The following SH3KBP1 variants were observed in gnomAD, a reference collection of about 807,000 sequenced individuals.
SH3KBP1 encodes the protein SH3 domain containing kinase binding protein 1, also known as SH3 domain-containing kinase-binding protein 1.
Under a neutral mutation model 50.1 loss-of-function variants are expected in SH3KBP1, and 8 were observed. The observed-to-expected ratio is 0.16, with a 90% CI of 0.09 to 0.29. The LOEUF (loss-of-function observed/expected upper bound fraction) is 0.29, where lower values mean the gene tolerates loss of function less well. SH3KBP1 is among the 10% of genes least tolerant of loss of function. The pLI, the probability that SH3KBP1 is intolerant of heterozygous loss-of-function variation, is 1.00. For synonymous variants in SH3KBP1, 227 were observed against 218.6 expected (o/e 1.04, Z -0.34); for missense variants, 377 against 535.2 (o/e 0.70, Z 2.92).
intron 4 of SH3KBP1, among the ~76,000 whole-genome samples, chrX:19,703,696 C>CTCTGTGTG (rs1459116402): frequency 3.1e-4 from 20 of 63,503 alleles, no homozygotes; most frequent in African/African-American, 1.0e-3. Context: ...AAAAGAGAAA[C>CTCTGTGTG]TGTGTGTGTG....
intron 6 of SH3KBP1, chrX:19,648,039 T>A (rs1338015398): frequency 1.1e-5 from 4 of 373,157 alleles, no homozygotes. Context: ...TTATGAAACA[T>A]CTTTTTAACT....
chrX:19,622,817 C>A (rs958953771), intron 8 of SH3KBP1, among the ~76,000 whole-genome samples: 9 of 111,735 alleles, frequency 8.1e-5, no homozygotes, highest in Non-Finnish European at 1.9e-5. Context: ...CCAAGGCAGG[C>A]GGATCACTTG....
At chrX:19,680,380 CAAAAAAAAAAAAA>C (rs763413288) in intron 6 of SH3KBP1, among the ~76,000 whole-genome samples, 6 of 37,784 alleles carry the variant, frequency 1.6e-4, no homozygotes, top group East Asian at 1.0e-3. Context: ...ACTCTTGTTT[CAAAAAAAAAAAAA>C]AAAAAAAAAC....
At chrX:19,659,979 T>C (rs934365301) in intron 6 of SH3KBP1, among the ~76,000 whole-genome samples, 2 of 112,801 alleles carry the variant, frequency 1.8e-5, no homozygotes, top group African/African-American at 6.4e-5. Context: ...ATATTCTTAA[T>C]TTACTTCAGT....
intron 2 of SH3KBP1, among the ~76,000 whole-genome samples, chrX:19,754,050 T>C (rs1477854882): frequency 1.8e-5 from 2 of 112,480 alleles, no homozygotes; most frequent in Admixed American, 1.9e-4. Flanking sequence ...TTTCAAGAAA[T>C]GTAACAGGTC....
chrX:19,561,867 C>A (rs772919334), intron 13 of SH3KBP1, among the ~76,000 whole-genome samples: 2 of 104,702 alleles, frequency 1.9e-5, no homozygotes, highest in Admixed American at 1.0e-4. Flanking sequence ...ACAGTATGAA[C>A]CTCAGGGAGA....
chrX:19,828,461 C>G (rs1274504268), intron 2 of SH3KBP1, among the ~76,000 whole-genome samples: 1 of 111,684 alleles, frequency 9.0e-6, no homozygotes, highest in African/African-American at 3.3e-5. Flanking sequence ...TCACTTGAGC[C>G]CAGGAGTTCA....
At chrX:19,730,825 G>A (rs1355639353) in intron 3 of SH3KBP1, among the ~76,000 whole-genome samples, 1 of 112,299 alleles carries the variant, frequency 8.9e-6, no homozygotes, top group Non-Finnish European at 1.9e-5. Flanking sequence ...GCCCAGAAAT[G>A]AAGGAAAAGC....
At chrX:19,792,028 GA>G (rs904624925) in intron 2 of SH3KBP1, among the ~76,000 whole-genome samples, 49 of 110,734 alleles carry the variant, frequency 4.4e-4, no homozygotes, top group African/African-American at 1.4e-3. Context: ...CTTCTAGAAG[GA>G]AAAAAAATAA....
intron 2 of SH3KBP1, among the ~76,000 whole-genome samples, chrX:19,793,305 GAA>G (rs1276369664): frequency 2.5e-3 from 239 of 94,533 alleles, no homozygotes; most frequent in African/African-American, 5.1e-3. Context: ...TTGTCTCAAG[GAA>G]AAAAAAATAT....
chrX:19,707,941 T>C (rs1189492871), intron 3 of SH3KBP1, among the ~76,000 whole-genome samples: 3 of 112,825 alleles, frequency 2.7e-5, no homozygotes, highest in African/African-American at 9.7e-5. Flanking sequence ...CAGAAGTTTG[T>C]CGTTCATGGC....
Position 19,586,053 on chromosome X carries a change from G to A in SH3KBP1, c.1298+2590C>T, listed in dbSNP as rs192231977. On this transcript the variant is annotated intron_variant, in intron 12 of 17. Transcript: ENST00000397821. The stretch of plus-strand genomic sequence containing the variant: ...CAATTACATCTTCCACTGGCTTCAC[G>A]AACCTCTCTCATGCATCTCCCTTCA... Among the ~76,000 whole-genome samples, 308 of 111,973 alleles carry A rather than the reference G, an allele frequency of 2.8e-3. 1 individual carries two copies. The highest frequency in any genetic ancestry group is 9.2e-3 in the African/African-American group (283 of 30,845).
At chrX:19,690,469 T>A (rs1262742166) in intron 5 of SH3KBP1, among the ~76,000 whole-genome samples, 2 of 111,936 alleles carry the variant, frequency 1.8e-5, no homozygotes, top group African/African-American at 6.5e-5. Context: ...AAACTCATGG[T>A]TATTAATGGT....
In SH3KBP1 at chrX:19,714,447, T is replaced by C. The variant is rs184816364; in HGVS notation, c.287-7463A>G. 1.9e-4 allele frequency among the ~76,000 whole-genome samples: 21 copies of C among 111,325 alleles called. No individual in the cohort carries two copies. In the East Asian group the frequency reaches 4.2e-3, roughly 22 times the overall value. Reference sequence around the variant, plus strand: ...CACACTGCATTCCCGTATCAAAATATCTCATGTATCCCATAAATATATACA... The same window carrying C: ...CACACTGCATTCCCGTATCAAAATACCTCATGTATCCCATAAATATATACA... On this transcript the variant is annotated intron_variant, in intron 3 of 17. Coordinates refer to ENST00000397821, the MANE Select transcript of SH3KBP1 (RefSeq NM_031892.3).
At chrX:19,610,703 G>A (rs2067385826) in intron 8 of SH3KBP1, among the ~76,000 whole-genome samples, 1 of 111,218 alleles carries the variant, frequency 9.0e-6, no homozygotes, top group Non-Finnish European at 1.9e-5. Flanking sequence ...GGTCCTTTGG[G>A]TAACAGGGAT....
At chrX:19,863,025 G>C (rs2068816254) in intron 1 of SH3KBP1, among the ~76,000 whole-genome samples, 1 of 111,988 alleles carries the variant, frequency 8.9e-6, no homozygotes, top group African/African-American at 3.2e-5. Context: ...AAGAGGCCCA[G>C]GACTGTCAGG....
At chrX:19,658,358 A>G (rs1343223677) in intron 6 of SH3KBP1, among the ~76,000 whole-genome samples, 3 of 111,760 alleles carry the variant, frequency 2.7e-5, no homozygotes. Context: ...CTGCTTCCAT[A>G]AAGACTACCT....
chrX:19,741,426 T>C (rs1020717084), intron 3 of SH3KBP1, among the ~76,000 whole-genome samples: 7 of 112,419 alleles, frequency 6.2e-5, no homozygotes, highest in African/African-American at 2.3e-4. Flanking sequence ...GTAAAAGCAG[T>C]TTATCTTTGG....
chrX:19,590,555 G>A (rs1439941463), intron 11 of SH3KBP1, among the ~76,000 whole-genome samples: 2 of 111,069 alleles, frequency 1.8e-5, no homozygotes, highest in Non-Finnish European at 3.8e-5. Context: ...TGCAGGAAGT[G>A]TCCCCATCAC....
Sources: gnomAD v4.1 joint callset for allele counts (sites outside exome capture counted in the v4.1 genomes callset) on GRCh38, gnomAD v4.1.1 for gene constraint, MANE v1.5 for transcripts, NCBI Gene and HGNC (gene_info 2026-07-23, HGNC 2026-07-21) for gene names.